PTPRG: variants seen among roughly 807,000 people sequenced by gnomAD.
The protein encoded by PTPRG is protein tyrosine phosphatase receptor type G.
In PTPRG, 102 loss-of-function variants were observed where a neutral mutation model predicts 165.3. The ratio of observed to expected loss-of-function variants is 0.62; its 90% CI spans 0.53 to 0.73. The LOEUF (loss-of-function observed/expected upper bound fraction) is 0.73. Ranked by LOEUF, PTPRG falls within the 30% of genes least tolerant of loss-of-function variation. PTPRG has a pLI of 0.00. For missense variants in PTPRG, 1,866 were observed against 1,861.4 expected (o/e 1.00, Z -0.05); for synonymous variants, 675 against 669.5 (o/e 1.01, Z -0.13).
chr3:61,630,049 C>T (rs1575549766), intron 1 of PTPRG, among the ~76,000 whole-genome samples: 1 of 152,168 alleles, frequency 6.6e-6, no homozygotes, highest in Admixed American at 6.5e-5. Context: ...GCCCAAAGAC[C>T]CTGGCCATGG....
rs555449774 is a variant in PTPRG at position 61,889,631 on chromosome 3, A to G, written c.191-99994A>G. ...GTTTGTATGCTTGAGTCGTTAGCTC[A>G]TTTGAACATTACAGTCTACTTAAAG... is the stretch of plus-strand genomic sequence containing the variant. On this transcript the variant is annotated intron_variant, in intron 2 of 29. Transcript: ENST00000474889. Among the ~76,000 whole-genome samples, 16 of 152,344 alleles carry G rather than the reference A, an allele frequency of 1.1e-4. No individual in the cohort carries two copies. The South Asian group carries it at 3.1e-3, about 30-fold the overall frequency.
chr3:61,607,485 C>T (rs774817493), intron 1 of PTPRG, among the ~76,000 whole-genome samples: 24 of 152,024 alleles, frequency 1.6e-4, no homozygotes, highest in Non-Finnish European at 2.9e-4. Flanking sequence ...TCAGCCACAT[C>T]GCTACCGCTC....
chr3:61,815,678 C>T (rs527569679), intron 2 of PTPRG, among the ~76,000 whole-genome samples: 1 of 152,290 alleles, frequency 6.6e-6, no homozygotes, highest in African/African-American at 2.4e-5. Context: ...AACCTCATTG[C>T]TCTGTGATCT....
chr3:61,959,241 G>T (rs2040098048), intron 2 of PTPRG, among the ~76,000 whole-genome samples: 1 of 152,194 alleles, frequency 6.6e-6, no homozygotes, highest in African/African-American at 2.4e-5. Context: ...GAGTCCACCT[G>T]TGTTAGCTTA....
Position 62,294,560 on chromosome 3 carries a change from G to T in PTPRG, c.*1253G>T, listed in dbSNP as rs905206735. 6.6e-6 allele frequency: 1 copy of T among 152,050 alleles called. No individual in the cohort carries two copies. The highest frequency in any genetic ancestry group is 6.6e-5 in the Admixed American group (1 of 15,240). The allele number at this position is 152,050 out of a possible 1,614,324, so 9.4% of individuals were successfully genotyped here. A position where few individuals can be genotyped will look rare whatever the true frequency, so the allele number is the denominator to read the frequency against. On this transcript the variant is annotated 3_prime_UTR_variant, in exon 30 of 30. Transcript: ENST00000474889. ...TTAGAACAGATACACATTAGTAAAAGATACCAATAATCATTAGAGCTCAAG... is the reference window on the plus strand; with the variant it reads ...TTAGAACAGATACACATTAGTAAAATATACCAATAATCATTAGAGCTCAAG...
intron 15 of PTPRG, among the ~76,000 whole-genome samples, chr3:62,250,976 C>G (rs1311348785): frequency 6.6e-6 from 1 of 152,130 alleles, no homozygotes; most frequent in Non-Finnish European, 1.5e-5. Context: ...TAACAATAAG[C>G]CCACCTCTTC....
intron 2 of PTPRG, among the ~76,000 whole-genome samples, chr3:61,977,383 G>C (rs1326677314): frequency 6.6e-6 from 1 of 152,068 alleles, no homozygotes; most frequent in Non-Finnish European, 1.5e-5. Context: ...TTTTTAACAT[G>C]TTTTTGGTTA....
Position 61,680,763 on chromosome 3 carries a change from G to A in PTPRG, c.86-68115G>A, listed in dbSNP as rs533237513. On this transcript the variant is annotated intron_variant, in intron 1 of 29. Coordinates refer to ENST00000474889, the MANE Select transcript of PTPRG (RefSeq NM_002841.4). ...GGTGTGGTACAGGTTGCAGGGAGGT[G>A]GGGATGGGGATGACTAGGGTCACAG... Among the ~76,000 whole-genome samples, 43 of 69,306 alleles carry A rather than the reference G, an allele frequency of 6.2e-4. 11 individuals carry two copies. In the South Asian group the frequency reaches 0.011, roughly 18 times the overall value. 45.5% of individuals were successfully genotyped at this position (69,306 alleles called of 152,430 possible). A position where few individuals can be genotyped will look rare whatever the true frequency, so the allele number is the denominator to read the frequency against.
intron 1 of PTPRG, among the ~76,000 whole-genome samples, chr3:61,566,857 C>T (rs981518408): frequency 3.9e-5 from 6 of 152,192 alleles, no homozygotes; most frequent in Non-Finnish European, 7.3e-5. Context: ...ATCTTGATTT[C>T]CATTCAGCAT....
At chr3:62,141,754 C>T (rs1576055462) in intron 6 of PTPRG, among the ~76,000 whole-genome samples, 1 of 149,432 alleles carries the variant, frequency 6.7e-6, no homozygotes, top group Non-Finnish European at 1.5e-5. Context: ...AAAAAAAATA[C>T]AAAAATTAGC....
rs11329820 is a variant in PTPRG at position 61,820,603 on chromosome 3, GTTTTTTTTTT to G, written c.190+71638_190+71647del. Among the ~76,000 whole-genome samples the G allele has an allele frequency of 2.6e-3, 173 of 65,736 alleles. 6 individuals are homozygous for G. Among genetic ancestry groups the G allele is most frequent in the African/African-American group, 0.01 (157 of 15,378 alleles). 43.1% of individuals were successfully genotyped at this position (65,736 alleles called of 152,430 possible). ...TTTAATTTCTTGTTCCTGTGTCTCTGTTTTTTTTTTTTTTTTTTTTTTTTTTACTGTGGCT... is the reference window on the plus strand; with the variant it reads ...TTTAATTTCTTGTTCCTGTGTCTCTGTTTTTTTTTTTTTTTTACTGTGGCT... On this transcript the variant is annotated intron_variant, in intron 2 of 29. Coordinates refer to ENST00000474889, the MANE Select transcript of PTPRG (RefSeq NM_002841.4).
intron 8 of PTPRG, among the ~76,000 whole-genome samples, chr3:62,169,746 G>T (rs1342378920): frequency 6.6e-6 from 1 of 152,196 alleles, no homozygotes; most frequent in Non-Finnish European, 1.5e-5. Flanking sequence ...AATAAAGGGA[G>T]AGCTTGTGTC....
In PTPRG at chr3:62,188,194, T is replaced by C. The variant is rs567597229; in HGVS notation, c.1034-3275T>C. On this transcript the variant is annotated intron_variant, in intron 8 of 29. Coordinates refer to ENST00000474889, the MANE Select transcript of PTPRG (RefSeq NM_002841.4). Reference sequence around the variant, plus strand: ...TTCAAGACCAGCATGGGCAACATAGTGAAACCCCGTCTCTATTTTAAAAAT... The same window carrying C: ...TTCAAGACCAGCATGGGCAACATAGCGAAACCCCGTCTCTATTTTAAAAAT... Among the ~76,000 whole-genome samples the C allele has an allele frequency of 2.6e-5, 4 of 152,172 alleles. No homozygotes were observed. In the East Asian group the frequency reaches 7.7e-4, roughly 29 times the overall value.
In PTPRG at chr3:62,195,016, T is replaced by C. The variant is rs2106817324; in HGVS notation, c.1219-46T>C. ...TTGGCTTTAGAATGCAAAGTGTGCCTTGGCCTTCAAAACTAACTCACTGCT... is the reference window on the plus strand; with the variant it reads ...TTGGCTTTAGAATGCAAAGTGTGCCCTGGCCTTCAAAACTAACTCACTGCT... On this transcript the variant is annotated intron_variant, in intron 9 of 29. Transcript: ENST00000474889. The surrounding 1 kb of genome is among the most constrained non-coding windows in gnomAD (Gnocchi z 4.4). The C allele has an allele frequency of 6.3e-7, 1 of 1,576,062 alleles. No individual in the cohort carries two copies. The highest frequency in any genetic ancestry group is 1.1e-5 in the South Asian group (1 of 90,210).
chr3:61,990,901 T>TTG (rs992081982), intron 3 of PTPRG, among the ~76,000 whole-genome samples: 4 of 146,992 alleles, frequency 2.7e-5, no homozygotes, highest in African/African-American at 1.0e-4. Context: ...AAAGTTGCCT[T>TTG]TTTTTTTTTT....
At chr3:61,563,409 T>A (rs1314845450) in intron 1 of PTPRG, among the ~76,000 whole-genome samples, 2 of 151,798 alleles carry the variant, frequency 1.3e-5, no homozygotes, top group Non-Finnish European at 2.9e-5. Context: ...CCCTCCTCTC[T>A]CCCCTGGGGA....
chr3:62,008,406 A>C (rs962299348), intron 4 of PTPRG, among the ~76,000 whole-genome samples: 17 of 152,144 alleles, frequency 1.1e-4, no homozygotes, highest in African/African-American at 3.9e-4. Flanking sequence ...AAATGATCCA[A>C]ATTGATTGTA....
chr3:62,108,487 C>A (rs568899819), intron 5 of PTPRG, among the ~76,000 whole-genome samples: 5 of 152,234 alleles, frequency 3.3e-5, no homozygotes, highest in African/African-American at 1.2e-4. Context: ...CTATTGTGAA[C>A]AGTGCCTCAG....
chr3:62,080,153 C>T (rs1876575), intron 5 of PTPRG, among the ~76,000 whole-genome samples: 9,292 of 150,692 alleles, frequency 0.062, 1,004 homozygotes, highest in African/African-American at 0.22. Context: ...CCACAACCTC[C>T]GCCTCCCGGG....
Sources: allele counts gnomAD v4.1 joint callset (sites outside exome capture counted in the v4.1 genomes callset), GRCh38; gene constraint gnomAD v4.1.1; non-coding constraint Gnocchi (gnomAD v3.1); transcripts MANE v1.5; gene names NCBI Gene and HGNC (gene_info 2026-07-23, HGNC 2026-07-21).